Variants in PEX14 observed in about 807,000 individuals in gnomAD.
PEX14 encodes the protein peroxisomal biogenesis factor 14.
Under a neutral mutation model 49.5 loss-of-function variants are expected in PEX14, and 15 were observed. The observed-to-expected ratio is 0.30, with a 90% CI of 0.20 to 0.47. The LOEUF is 0.47. PEX14 is among the 20% of genes least tolerant of loss of function. The pLI is 1.00. For synonymous variants in PEX14, 210 were observed against 212.7 expected (o/e 0.99, Z 0.11); for missense variants, 398 against 494.8 (o/e 0.80, Z 1.86).
intron 2 of PEX14, 158 bp from the exon 3 acceptor site, chr1:10,536,054 CA>C: frequency 1.5e-6 from 1 of 667,608 alleles, no homozygotes; most frequent in South Asian, 1.6e-5. Context: ...CATCGCCTTT[CA>C]TTTAGGTAGA....
chr1:10,521,706 T>C (rs1638298914), intron 2 of PEX14, among the ~76,000 whole-genome samples: 1 of 152,230 alleles, frequency 6.6e-6, no homozygotes, highest in Non-Finnish European at 1.5e-5. Flanking sequence ...CTTATGGGTG[T>C]TGACTTTTTT....
intron 4 of PEX14, among the ~76,000 whole-genome samples, chr1:10,602,016 C>T (rs774657914): frequency 2.0e-5 from 3 of 152,118 alleles, no homozygotes; most frequent in Non-Finnish European, 4.4e-5. Flanking sequence ...ACAGAGTTGG[C>T]CTAAAACATC....
intron 2 of PEX14, among the ~76,000 whole-genome samples, chr1:10,508,030 G>T (rs1317621169): frequency 6.6e-6 from 1 of 152,166 alleles, no homozygotes; most frequent in East Asian, 1.9e-4. Flanking sequence ...CTTTAATTCT[G>T]TTGGGAATAC....
intron 3 of PEX14, among the ~76,000 whole-genome samples, chr1:10,572,708 T>C (rs1368206341): frequency 1.3e-5 from 2 of 151,888 alleles, no homozygotes; most frequent in Non-Finnish European, 2.9e-5. Context: ...AGCTAATTTT[T>C]TGTATTTTTA....
intron 3 of PEX14, among the ~76,000 whole-genome samples, chr1:10,563,643 G>T (rs993361129): frequency 1.6e-4 from 24 of 151,628 alleles, no homozygotes; most frequent in African/African-American, 5.6e-4. Context: ...AAAAAAGTTG[G>T]GCCGGGCGCA....
chr1:10,497,173 TG>T (rs1641582297), intron 2 of PEX14, among the ~76,000 whole-genome samples: 1 of 152,144 alleles, frequency 6.6e-6, no homozygotes, highest in South Asian at 2.1e-4. Flanking sequence ...TGCAGCAGCC[TG>T]ATTAAACGGG....
chr1:10,624,519 G>A, intron 7 of PEX14, 82 bp downstream of exon 7: 1 of 941,106 alleles, frequency 1.1e-6, no homozygotes. Context: ...GGCCGGGCTT[G>A]CCACCTTCGG....
Position 10,529,938 on chromosome 1 carries a change from C to G in PEX14, c.85-6275C>G, listed in dbSNP as rs1189843457. Reference sequence around the variant, plus strand: ...CACAGTGACAAAACCCAGGAAATTCCAAGTCGAAAGAGAGGCTCTTTCCTT... The same window carrying G: ...CACAGTGACAAAACCCAGGAAATTCGAAGTCGAAAGAGAGGCTCTTTCCTT... On this transcript the variant is annotated intron_variant, in intron 2 of 8. Coordinates refer to ENST00000356607, the MANE Select transcript of PEX14 (RefSeq NM_004565.3). The surrounding 1 kb of genome is among the most constrained non-coding windows in gnomAD (Gnocchi z 4.2). Among the ~76,000 whole-genome samples, 1 of 152,166 alleles carries G rather than the reference C, an allele frequency of 6.6e-6. No individual in the cohort carries two copies. The highest frequency in any genetic ancestry group is 1.9e-4 in the East Asian group (1 of 5,196).
At chr1:10,580,594 A>G (rs1435370213) in intron 3 of PEX14, among the ~76,000 whole-genome samples, 1 of 152,188 alleles carries the variant, frequency 6.6e-6, no homozygotes, top group Non-Finnish European at 1.5e-5. Flanking sequence ...ATAATACAGT[A>G]TAGTACATAC....
chr1:10,493,007 G>T (rs1434425113), intron 1 of PEX14, among the ~76,000 whole-genome samples: 1 of 152,178 alleles, frequency 6.6e-6, no homozygotes, highest in Non-Finnish European at 1.5e-5. Context: ...AAGTGTCTTA[G>T]CTGGATCTGA....
At chr1:10,553,678 G>T (rs961494417) in intron 3 of PEX14, among the ~76,000 whole-genome samples, 2 of 152,120 alleles carry the variant, frequency 1.3e-5, no homozygotes, top group Non-Finnish European at 2.9e-5. Flanking sequence ...ACTGATTTGG[G>T]TCATGGTCAG....
At chr1:10,560,773 A>T (rs1275734981) in intron 3 of PEX14, among the ~76,000 whole-genome samples, 4 of 141,222 alleles carry the variant, frequency 2.8e-5, no homozygotes, top group Non-Finnish European at 6.0e-5. Context: ...GTTGGAGTGC[A>T]GTGGTGCAAT....
chr1:10,532,978 T>TA (rs1475601980), intron 2 of PEX14, among the ~76,000 whole-genome samples: 1 of 152,086 alleles, frequency 6.6e-6, no homozygotes, highest in African/African-American at 2.4e-5. Context: ...TGCAAAATCT[T>TA]CTCCCATCGA....
At chr1:10,487,705 C>T (rs913019966) in intron 1 of PEX14, among the ~76,000 whole-genome samples, 4 of 151,402 alleles carry the variant, frequency 2.6e-5, no homozygotes, top group Admixed American at 2.6e-4. Flanking sequence ...GGATGGTCTC[C>T]GTCTCTTGAC....
chr1:10,511,941 T>C (rs1641890666), intron 2 of PEX14, among the ~76,000 whole-genome samples: 1 of 152,284 alleles, frequency 6.6e-6, no homozygotes, highest in Admixed American at 6.5e-5. Flanking sequence ...GTCTTATGGC[T>C]TAGGTGGGGT....
At chr1:10,582,593 A>G (rs1640352509) in intron 3 of PEX14, among the ~76,000 whole-genome samples, 1 of 152,132 alleles carries the variant, frequency 6.6e-6, no homozygotes, top group African/African-American at 2.4e-5. Context: ...GGAAGAAGCT[A>G]CTCTGATGGC....
intron 2 of PEX14, among the ~76,000 whole-genome samples, chr1:10,534,955 G>A (rs1418021954): frequency 6.6e-6 from 1 of 152,168 alleles, no homozygotes; most frequent in African/African-American, 2.4e-5. Flanking sequence ...ATATGGGGAA[G>A]GAGATGATTT....
At chr1:10,624,481 C>T (rs1286778992) in intron 7 of PEX14, 44 bp downstream of exon 7, 1 of 1,287,860 alleles carries the variant, frequency 7.8e-7, no homozygotes, top group East Asian at 2.3e-5. Flanking sequence ...CCAGGTCTGT[C>T]CCATGTGCCC....
chr1:10,621,357 T>A (rs1327568066), intron 5 of PEX14, among the ~76,000 whole-genome samples: 1 of 147,916 alleles, frequency 6.8e-6, no homozygotes, highest in Non-Finnish European at 1.5e-5. Context: ...TTTTTTTTTT[T>A]TTTTTTTGAG....
Sources: gnomAD v4.1 joint callset for allele counts (sites outside exome capture counted in the v4.1 genomes callset) on GRCh38, gnomAD v4.1.1 for gene constraint, Gnocchi (gnomAD v3.1) non-coding constraint, MANE v1.5 for transcripts, NCBI Gene and HGNC (gene_info 2026-07-23, HGNC 2026-07-21) for gene names.